Variants in LRRTM4 observed in about 807,000 individuals in gnomAD.
LRRTM4 encodes the protein leucine-rich repeat transmembrane neuronal protein 4.
In LRRTM4, 25 loss-of-function variants were observed where a neutral mutation model predicts 47.6. That is an observed-to-expected ratio of 0.53 (90% CI 0.38 to 0.73). LRRTM4 has a LOEUF of 0.73. Among genes scored for constraint, LRRTM4 ranks in the 30% least tolerant of loss-of-function variants. The pLI, the probability that LRRTM4 is intolerant of heterozygous loss-of-function variation, is 0.00. For synonymous variants in LRRTM4, 311 were observed against 269.5 expected (o/e 1.15, Z -1.51); for missense variants, 638 against 713.4 (o/e 0.89, Z 1.20).
intron 3 of LRRTM4, among the ~76,000 whole-genome samples, chr2:76,967,157 CTTT>C (rs537519196): frequency 7.4e-5 from 10 of 134,682 alleles, no homozygotes; most frequent in South Asian, 2.4e-4. Flanking sequence ...CATTCCCTTG[CTTT>C]TTTTTTTTTT....
intron 3 of LRRTM4, among the ~76,000 whole-genome samples, chr2:77,492,848 C>T (rs912343933): frequency 1.3e-5 from 2 of 151,932 alleles, no homozygotes; most frequent in Admixed American, 1.3e-4. Context: ...AAATTGTCCC[C>T]TAGATATAAA....
rs1438009655 is a variant in LRRTM4, at chr2:76,898,633, T to C, written c.1552-149717A>G. On this transcript the variant is annotated intron_variant, in intron 3 of 3. Transcript: ENST00000409884. ...ATAATTATTTAATTAATGTCCTCTA[T>C]TCAAATATGCATTAATGTTTTTATT... 7.9e-5 allele frequency among the ~76,000 whole-genome samples: 12 copies of C among 151,106 alleles called. No homozygotes were observed. In the East Asian group the frequency reaches 2.4e-3, roughly 30 times the overall value.
chr2:76,933,491 G>A (rs1451401610), intron 3 of LRRTM4, among the ~76,000 whole-genome samples: 1 of 151,912 alleles, frequency 6.6e-6, no homozygotes, highest in African/African-American at 2.4e-5. Context: ...AAATAGAATT[G>A]GGGTATGTAA....
chr2:77,188,933 T>C (rs1673587861), intron 3 of LRRTM4, among the ~76,000 whole-genome samples: 1 of 152,198 alleles, frequency 6.6e-6, no homozygotes, highest in African/African-American at 2.4e-5. Context: ...CACTACCAGC[T>C]TCTCTATCTC....
At chr2:77,456,683 T>G (rs1479359413) in intron 3 of LRRTM4, among the ~76,000 whole-genome samples, 1 of 152,032 alleles carries the variant, frequency 6.6e-6, no homozygotes, top group African/African-American at 2.4e-5. Context: ...TCAGAACATC[T>G]TTCACCTCTC....
chr2:77,405,107 T>C (rs1055161826), intron 3 of LRRTM4, among the ~76,000 whole-genome samples: 1 of 152,122 alleles, frequency 6.6e-6, no homozygotes, highest in African/African-American at 2.4e-5. Flanking sequence ...ATTACTCTTA[T>C]AATGTAATTT....
At chr2:77,248,158 TA>T (rs1675498991) in intron 3 of LRRTM4, among the ~76,000 whole-genome samples, 1 of 151,138 alleles carries the variant, frequency 6.6e-6, no homozygotes, top group African/African-American at 2.4e-5. Context: ...TATGAATATA[TA>T]AATGTATATA....
At chr2:77,162,419 A>T (rs1672757136) in intron 3 of LRRTM4, among the ~76,000 whole-genome samples, 1 of 152,208 alleles carries the variant, frequency 6.6e-6, no homozygotes, top group Non-Finnish European at 1.5e-5. Context: ...AACAAAAGGC[A>T]GCAGAAACTT....
At chr2:77,285,340 T>TATATATATATATATA (rs1676621332) in intron 3 of LRRTM4, among the ~76,000 whole-genome samples, 19 of 82,608 alleles carry the variant, frequency 2.3e-4, no homozygotes, top group Non-Finnish European at 2.8e-4. Flanking sequence ...AGCATTAAAT[T>TATATATATATATATA]TATATATATA....
intron 3 of LRRTM4, among the ~76,000 whole-genome samples, chr2:76,943,739 C>T (rs1033385810): frequency 2.0e-5 from 3 of 152,134 alleles, no homozygotes; most frequent in Non-Finnish European, 4.4e-5. Context: ...TGTCTCAAAT[C>T]TACTTCTCCT....
At chr2:76,987,938 T>C (rs878899305) in intron 3 of LRRTM4, among the ~76,000 whole-genome samples, 1 of 151,904 alleles carries the variant, frequency 6.6e-6, no homozygotes, top group South Asian at 2.1e-4. Flanking sequence ...TGCTATGGAA[T>C]ATATTTATTA....
chr2:76,790,797 T>C (rs1674933116), intron 3 of LRRTM4, among the ~76,000 whole-genome samples: 1 of 152,124 alleles, frequency 6.6e-6, no homozygotes, highest in Admixed American at 6.6e-5. Flanking sequence ...ATAATTTCAC[T>C]GTTTCTGCCA....
intron 3 of LRRTM4, among the ~76,000 whole-genome samples, chr2:77,004,297 C>T (rs1421061880): frequency 6.6e-6 from 1 of 152,186 alleles, no homozygotes; most frequent in South Asian, 2.1e-4. Context: ...GGTCCAGGGA[C>T]CCCTGCTGTG....
chr2:77,387,286 TTGC>T (rs1208804960), intron 3 of LRRTM4, among the ~76,000 whole-genome samples: 4 of 152,158 alleles, frequency 2.6e-5, no homozygotes, highest in Non-Finnish European at 5.9e-5. Flanking sequence ...ATATATAAGC[TTGC>T]TGATTTGTAA....
intron 3 of LRRTM4, among the ~76,000 whole-genome samples, chr2:77,164,487 C>T (rs965228774): frequency 2.0e-5 from 3 of 152,172 alleles, no homozygotes; most frequent in African/African-American, 7.2e-5. Flanking sequence ...ACTCTCCACC[C>T]CAAATCAACA....
chr2:77,091,607 C>G (rs1432915713), intron 3 of LRRTM4, among the ~76,000 whole-genome samples: 1 of 145,674 alleles, frequency 6.9e-6, no homozygotes, highest in Non-Finnish European at 1.5e-5. Flanking sequence ...ACCCATTATT[C>G]TGTTCTGGAT....
At chr2:76,792,608 G>T (rs1675035787) in intron 3 of LRRTM4, among the ~76,000 whole-genome samples, 1 of 152,110 alleles carries the variant, frequency 6.6e-6, no homozygotes, top group Non-Finnish European at 1.5e-5. Context: ...TGTGATGCAA[G>T]AGAAGCTGCT....
At chr2:77,058,163 A>G (rs547081913) in intron 3 of LRRTM4, among the ~76,000 whole-genome samples, 3 of 152,326 alleles carry the variant, frequency 2.0e-5, no homozygotes, top group South Asian at 4.1e-4. Flanking sequence ...AGTTCCAAGG[A>G]AAGTCAGTCT....
rs376246457 is a variant in LRRTM4 at position 77,518,500 on chromosome 2, G to C, written c.1369C>G (p.Leu457Val). 1.0e-4 allele frequency: 164 copies of C among 1,613,312 alleles called. No homozygotes were observed. The highest frequency in any genetic ancestry group is 1.3e-4 in the Non-Finnish European group (152 of 1,179,648). Residue 457 changes from leucine to valine, a missense_variant, in exon 3 of 4, where the codon CTC (leucine) becomes GTC (valine). Coordinates refer to ENST00000409884, the MANE Select transcript of LRRTM4 (RefSeq NM_001134745.3). ...CTCTTCATAAGAGAGTGTTGCTGGA[G>C]TTGTTTCATGCTGGCTGGGTAGCGT... ...WKRYPASMKQ[L>V]QQHSLMKRRR...
Sources: gnomAD v4.1 joint callset for allele counts (sites outside exome capture counted in the v4.1 genomes callset) on GRCh38, gnomAD v4.1.1 for gene constraint, MANE v1.5 for transcripts, NCBI Gene and HGNC (gene_info 2026-07-23, HGNC 2026-07-21) for gene names.